SH3GLB1: variants seen among roughly 807,000 people sequenced by gnomAD.
SH3GLB1 encodes endophilin-B1.
SH3GLB1 carries 17 observed loss-of-function variants against 42.0 expected under a neutral mutation model. That is an observed-to-expected ratio of 0.40 (90% CI 0.28 to 0.61). The LOEUF (loss-of-function observed/expected upper bound fraction) is 0.61. Among genes scored for constraint, SH3GLB1 ranks in the 20% least tolerant of loss-of-function variants. SH3GLB1 has a pLI of 0.36. For synonymous variants in SH3GLB1, 132 were observed against 146.6 expected (o/e 0.90, Z 0.72); for missense variants, 355 against 426.3 (o/e 0.83, Z 1.47).
intron 8 of SH3GLB1, among the ~76,000 whole-genome samples, 150 bp from the exon 9 acceptor site, chr1:86,742,974 TAATA>T (rs376161022): frequency 5.3e-5 from 8 of 152,184 alleles, no homozygotes; most frequent in East Asian, 3.9e-4. Flanking sequence ...AAACTAATAA[TAATA>T]AATAAATCCT....
At chr1:86,732,775 C>T (rs187768599) in intron 5 of SH3GLB1, among the ~76,000 whole-genome samples, 2 of 152,154 alleles carry the variant, frequency 1.3e-5, no homozygotes, top group East Asian at 3.9e-4. Flanking sequence ...ATTTCTACTT[C>T]AGTCTCAATC....
At chr1:86,742,106 C>T (rs901173861) in intron 7 of SH3GLB1, 102 bp from the exon 8 acceptor site, 1 of 749,306 alleles carries the variant, frequency 1.3e-6, no homozygotes, top group Admixed American at 2.6e-5. Flanking sequence ...TAAATCTTTT[C>T]CAATGTGAAG....
intron 7 of SH3GLB1, 73 bp from the exon 8 acceptor site, chr1:86,742,135 G>C (rs1201715749): frequency 3.8e-6 from 4 of 1,044,724 alleles, no homozygotes; most frequent in Non-Finnish European, 5.9e-6. Flanking sequence ...AAAGTAAACA[G>C]CGCCACCGAG....
chr1:86,728,559 AT>A, intron 5 of SH3GLB1: 1 of 874,966 alleles, frequency 1.1e-6, no homozygotes, highest in Non-Finnish European at 1.7e-6. Flanking sequence ...CGCTTGTAAA[AT>A]TTTGAAATAA....
chr1:86,729,158 A>T (rs1655373915), intron 5 of SH3GLB1, among the ~76,000 whole-genome samples: 1 of 152,174 alleles, frequency 6.6e-6, no homozygotes. Context: ...AAATCTGAAC[A>T]TAGCCAACAA....
chr1:86,727,623 A>G, intron 5 of SH3GLB1, among the ~76,000 whole-genome samples: 1 of 152,070 alleles, frequency 6.6e-6, no homozygotes, highest in East Asian at 1.9e-4. Context: ...AAGGGATACA[A>G]AACTGTAATG....
At chr1:86,736,376 G>T (rs1233923774) in intron 7 of SH3GLB1, among the ~76,000 whole-genome samples, 1 of 152,120 alleles carries the variant, frequency 6.6e-6, no homozygotes, top group Non-Finnish European at 1.5e-5. Context: ...ATAAAATTGA[G>T]CACGTCCATG....
rs1330698679 is a variant in SH3GLB1, at chr1:86,704,868, G to C, written c.-32G>C. On this transcript the variant is annotated 5_prime_UTR_variant, in exon 1 of 9. Coordinates refer to ENST00000370558, the MANE Select transcript of SH3GLB1 (RefSeq NM_016009.5). ...CGGCACCTCCGCCTCGCCGCCGCTA[G>C]GTCGGCCGGCTCCGCCCGGCTGCCG... 26 of 1,509,956 alleles carry C rather than the reference G, an allele frequency of 1.7e-5. No individual in the cohort carries two copies. The highest frequency in any genetic ancestry group is 2.3e-5 in the Non-Finnish European group (26 of 1,120,492). 93.5% of individuals were successfully genotyped at this position (1,509,956 alleles called of 1,614,324 possible).
intron 1 of SH3GLB1, among the ~76,000 whole-genome samples, 161 bp downstream of exon 1, chr1:86,705,132 C>A (rs1324491844): frequency 2.0e-5 from 3 of 152,136 alleles, no homozygotes; most frequent in Non-Finnish European, 2.9e-5. Context: ...TCCCCGGGCC[C>A]GGCGGCGGAT....
At position 86,715,977 on chromosome 1, in the gene SH3GLB1, C is replaced by T. The variant is rs546299115; in HGVS notation, c.214+112C>T. The T allele has an allele frequency of 3.5e-5, 40 of 1,136,004 alleles. No homozygotes were observed. In the South Asian group the frequency reaches 6.1e-4, roughly 17 times the overall value. 70.4% of individuals were successfully genotyped at this position (1,136,004 alleles called of 1,614,324 possible). The stretch of plus-strand genomic sequence containing the variant: ...ACATAGGATTTTTTTATTGTAGCTT[C>T]AAGGTCAGTGGGTTTTTTTGTGTGT... On this transcript the variant is annotated intron_variant, in intron 2 of 8. Transcript: ENST00000370558.
At chr1:86,721,410 T>C (rs1654849604) in intron 3 of SH3GLB1, among the ~76,000 whole-genome samples, 1 of 152,204 alleles carries the variant, frequency 6.6e-6, no homozygotes, top group Non-Finnish European at 1.5e-5. Context: ...AATGAAGATC[T>C]GTCTGTATCC....
intron 7 of SH3GLB1, among the ~76,000 whole-genome samples, chr1:86,735,950 G>A: frequency 6.6e-6 from 1 of 152,232 alleles, no homozygotes; most frequent in East Asian, 1.9e-4. Flanking sequence ...AACTGTGACT[G>A]AGGTACATCT....
intron 2 of SH3GLB1, among the ~76,000 whole-genome samples, chr1:86,716,898 T>C (rs1654568124): frequency 6.6e-6 from 1 of 152,230 alleles, no homozygotes; most frequent in South Asian, 2.1e-4. Context: ...TGACATATGC[T>C]TACTTTTAGA....
chr1:86,709,592 C>T (rs1188120012), intron 1 of SH3GLB1, among the ~76,000 whole-genome samples: 1 of 152,124 alleles, frequency 6.6e-6, no homozygotes, highest in African/African-American at 2.4e-5. Context: ...GATAAAGGAA[C>T]AAGAGATGTG....
chr1:86,722,886 A>C (rs1386312400), intron 4 of SH3GLB1, among the ~76,000 whole-genome samples: 1 of 152,214 alleles, frequency 6.6e-6, no homozygotes, highest in Non-Finnish European at 1.5e-5. Context: ...TGTTATTGAG[A>C]TGCCTTTATC....
chr1:86,713,556 T>A (rs1261879296), intron 1 of SH3GLB1, among the ~76,000 whole-genome samples: 1 of 152,124 alleles, frequency 6.6e-6, no homozygotes, highest in Non-Finnish European at 1.5e-5. Flanking sequence ...GACTATACAC[T>A]CTTTCCTTAG....
chr1:86,704,917 C>A lies in SH3GLB1; in HGVS notation c.18C>A (p.Phe6Leu). The change falls in exon 1 of 9, where the codon TTC (phenylalanine) becomes TTA (leucine). Residue 6 changes from phenylalanine to leucine, a missense_variant. Coordinates refer to ENST00000370558, the MANE Select transcript of SH3GLB1 (RefSeq NM_016009.5). ...CGCCTAGGATGAATATCATGGACTT[C>A]AACGTGAAGAAGCTGGCGGCCGACG... is the stretch of plus-strand genomic sequence containing the variant. MNIMD[F>L]NVKKLAADAG... 3.2e-6 allele frequency: 5 copies of A among 1,585,456 alleles called. No homozygotes were observed. The highest frequency in any genetic ancestry group is 4.3e-6 in the Non-Finnish European group (5 of 1,168,266).
At chr1:86,712,989 C>A (rs1654300238) in intron 1 of SH3GLB1, among the ~76,000 whole-genome samples, 1 of 151,946 alleles carries the variant, frequency 6.6e-6, no homozygotes, top group Non-Finnish European at 1.5e-5. Flanking sequence ...AGCAAACAGG[C>A]CTTTTTACCT....
rs138270722 is a variant in SH3GLB1 at position 86,730,215 on chromosome 1, G to A, written c.571-4387G>A. The A allele has an allele frequency of 1.0e-4, 149 of 1,472,908 alleles. No homozygotes were observed. In the East Asian group the frequency reaches 2.4e-3, roughly 24 times the overall value. 91.2% of individuals were successfully genotyped at this position (1,472,908 alleles called of 1,614,324 possible). A position where few individuals can be genotyped will look rare whatever the true frequency, so the allele number is the denominator to read the frequency against. The stretch of plus-strand genomic sequence containing the variant: ...ACCCATGGGTCCAGTCACAGTCTGT[G>A]TTAGTATACCTTATAAAATCTGAAA... On this transcript the variant is annotated intron_variant, in intron 5 of 8. Transcript: ENST00000370558.
Sources: allele counts gnomAD v4.1 joint callset (sites outside exome capture counted in the v4.1 genomes callset), GRCh38; gene constraint gnomAD v4.1.1; transcripts MANE v1.5; gene names NCBI Gene and HGNC (gene_info 2026-07-23, HGNC 2026-07-21).